The following PARP6 variants were observed in gnomAD, a reference collection of about 807,000 sequenced individuals.
PARP6 encodes poly(ADP-ribose) polymerase family member 6.
In PARP6, 27 loss-of-function variants were observed where a neutral mutation model predicts 92.0. That is an observed-to-expected ratio of 0.29 (90% CI 0.22 to 0.40). PARP6 has a LOEUF of 0.40. PARP6 is among the 10% of genes least tolerant of loss of function. PARP6 has a pLI of 1.00. For missense variants in PARP6, 501 were observed against 784.5 expected (o/e 0.64, Z 4.32); for synonymous variants, 272 against 281.2 (o/e 0.97, Z 0.33).
intron 7 of PARP6, 130 bp from the exon 8 acceptor site, chr15:72,264,751 A>C: frequency 1.4e-6 from 1 of 694,140 alleles, no homozygotes; most frequent in South Asian, 1.9e-5. Flanking sequence ...TAACGGTGGA[A>C]GAAAAAAAAC....
At chr15:72,254,611 G>C (rs1465444227) in intron 14 of PARP6, 91 bp from the exon 15 acceptor site, 3 of 922,518 alleles carry the variant, frequency 3.3e-6, no homozygotes, top group African/African-American at 1.6e-5. Context: ...TACCAAAAAA[G>C]TCTAGGCCCT....
In PARP6 at chr15:72,264,506, T is replaced by A. The variant is rs12591338; in HGVS notation, c.395+49A>T. 0.22 allele frequency: 301,641 copies of A among 1,391,506 alleles called. 33,970 individuals carry two copies. The highest frequency in any genetic ancestry group is 0.38 in the East Asian group (16,722 of 43,656). The allele number at this position is 1,391,506 out of a possible 1,614,324, so 86.2% of individuals were successfully genotyped here. On this transcript the variant is annotated intron_variant, in intron 8 of 23. Coordinates refer to ENST00000569795, the MANE Select transcript of PARP6 (RefSeq NM_001323532.2). ...CTGTCCATCCATATATTTCCACCTC[T>A]CTCTCCTTCCTTCACATGTCCATGA...
Position 72,254,448 on chromosome 15 carries a change from A to G in PARP6, c.1191+7T>C, listed in dbSNP as rs199742529. ...AAAGGAGAGGGGACAGAGAGAAGGC[A>G]GAATACCTGGGTCATCTCCCGAATA... is the stretch of plus-strand genomic sequence containing the variant. On this transcript the variant is annotated splice_region_variant and intron_variant, in intron 15 of 23. Transcript: ENST00000569795. 4.2e-4 allele frequency: 673 copies of G among 1,604,812 alleles called. 6 individuals carry two copies. In the Middle Eastern group the frequency reaches 6.4e-3, roughly 15 times the overall value.
chr15:72,260,623 C>G lies in PARP6; in HGVS notation c.611G>C (p.Arg204Pro). 2.5e-6 allele frequency: 4 copies of G among 1,614,124 alleles called. No individual in the cohort carries two copies. The highest frequency in any genetic ancestry group is 3.4e-6 in the Non-Finnish European group (4 of 1,180,016). The change falls in exon 10 of 24, where the codon CGG becomes CCG. Residue 204 changes from arginine to proline, a missense_variant. Physicochemically the swap from Arg to Pro is moderately radical, Grantham distance 103. This residue lies in a region of PARP6 where 291 missense variants were observed against 352.0 expected (regional missense o/e 0.83). Coordinates refer to ENST00000569795, the MANE Select transcript of PARP6 (RefSeq NM_001323532.2). Reference sequence around the variant, plus strand: ...GGAACGGTTCATGAGGCGCCCAACCCGAAGCTCTGGTACACCTAGTTTGCC... The same window carrying G: ...GGAACGGTTCATGAGGCGCCCAACCGGAAGCTCTGGTACACCTAGTTTGCC... Reference protein sequence around the residue: ...LKGKLGVPELRVGRLMNRSIS... With the variant: ...LKGKLGVPELPVGRLMNRSIS...
At chr15:72,247,937 ATTTT>A (rs1226355660) in intron 20 of PARP6, among the ~76,000 whole-genome samples, 2 of 151,076 alleles carry the variant, frequency 1.3e-5, no homozygotes, top group East Asian at 3.9e-4. Context: ...TGCCTGGCTA[ATTTT>A]TCTATTTTTA....
At chr15:72,247,103 C>A (rs1490195652) in intron 20 of PARP6, among the ~76,000 whole-genome samples, 1 of 152,048 alleles carries the variant, frequency 6.6e-6, no homozygotes, top group Non-Finnish European at 1.5e-5. Context: ...ATATGTGCTG[C>A]AAATGTCTTC....
At chr15:72,247,364 G>C (rs2140918899) in intron 20 of PARP6, among the ~76,000 whole-genome samples, 1 of 151,944 alleles carries the variant, frequency 6.6e-6, no homozygotes, top group Non-Finnish European at 1.5e-5. Context: ...GCAGAGATGG[G>C]GTATTGCCAT....
chr15:72,244,969 G>C (rs1374582178), intron 20 of PARP6: 1 of 153,896 alleles, frequency 6.5e-6, no homozygotes, highest in South Asian at 2.1e-4. Flanking sequence ...TAAATGGATG[G>C]TGGCAGCCAA....
Position 72,241,987 on chromosome 15 carries a change from T to G in PARP6, c.1706-2A>C. 6.2e-7 allele frequency: 1 copy of G among 1,609,836 alleles called. No individual in the cohort carries two copies. The highest frequency in any genetic ancestry group is 8.5e-7 in the Non-Finnish European group (1 of 1,176,106). The stretch of plus-strand genomic sequence containing the variant: ...TCTGGAGGTCCTTAGATGTAATCAC[T>G]GGGAGAAAGAGGGCCAGAAATCATA... On this transcript the variant is annotated splice_acceptor_variant, in intron 22 of 23. Coordinates refer to ENST00000569795, the MANE Select transcript of PARP6 (RefSeq NM_001323532.2). LOFTEE classifies it high-confidence loss of function. This position sits in a 1 kb window ranked among gnomAD's most constrained non-coding sequence, Gnocchi z 4.1.
chr15:72,242,127 A>AGAAAAACAG lies in PARP6; in HGVS notation c.1705+21_1705+29dup, dbSNP rs1401444048. On this transcript the variant is annotated intron_variant, in intron 22 of 23. Coordinates refer to ENST00000569795, the MANE Select transcript of PARP6 (RefSeq NM_001323532.2). The surrounding 1 kb of genome is among the most constrained non-coding windows in gnomAD (Gnocchi z 4.3). ...CATCAGAAACAAAGGTTAGAGACCC[A>AGAAAAACAG]GAAAAACAGGACATGGGCAAGCTAC... 3 of 1,600,562 alleles carry AGAAAAACAG rather than the reference A, an allele frequency of 1.9e-6. No individual in the cohort carries two copies. The highest frequency in any genetic ancestry group is 2.6e-6 in the Non-Finnish European group (3 of 1,167,636).
At chr15:72,251,322 A>C in intron 16 of PARP6, 67 bp from the exon 17 acceptor site, 1 of 930,850 alleles carries the variant, frequency 1.1e-6, no homozygotes, top group Non-Finnish European at 1.7e-6. Context: ...CTTTCTGAAC[A>C]AGCCAGTCTT....
Position 72,265,091 on chromosome 15 carries a change from T to A in PARP6, c.318A>T (p.Leu106=). The change falls in exon 7 of 24, where the codon CTA becomes CTT. Residue 106 remains leucine, a synonymous_variant. Coordinates refer to ENST00000569795, the MANE Select transcript of PARP6 (RefSeq NM_001323532.2). ...LRLRFSLSQY[L]DGPEPSIEVF... ...AGTCACTGCCTTTACCTGGTCCATC[T>A]AGGTACTGGGAGAGAGAAAATCGCA... 1 of 1,611,656 alleles carries A rather than the reference T, an allele frequency of 6.2e-7. No individual in the cohort carries two copies.
At position 72,266,751 on chromosome 15, in the gene PARP6, G is replaced by A. The variant is rs984543800; in HGVS notation, c.75C>T (p.Gly25=). 10 of 1,612,546 alleles carry A rather than the reference G, an allele frequency of 6.2e-6. No individual in the cohort carries two copies. The highest frequency in any genetic ancestry group is 2.2e-5 in the South Asian group (2 of 91,042). Residue 25 remains glycine, a synonymous_variant, in exon 4 of 24, where the codon GGC becomes GGT. Transcript: ENST00000569795. ...GDNESEEFLY[G]VQGSCAADLY... is the part of the protein sequence containing the mutation. ...TTGGGAGATGTAACCTCACCTGAAC[G>A]CCATAGAGAAATTCCTCTGATTCAT...
At position 72,260,540 on chromosome 15, in the gene PARP6, G is replaced by C; in HGVS notation, c.694C>G (p.Gln232Glu). The C allele has an allele frequency of 9.9e-6, 16 of 1,614,198 alleles. No homozygotes were observed. Among genetic ancestry groups the C allele is most frequent in the Non-Finnish European group, 1.4e-5 (16 of 1,180,016 alleles). ...TGCTGAGGGCACAGGAGACCTGCCT[G>C]GGGGCTGGGAGGGTAGCCAAACACT... ...VEVFGYPPSPQAGLLCPQHVG... is the reference protein window; with the variant it reads ...VEVFGYPPSPEAGLLCPQHVG... The change falls in exon 10 of 24, where the codon CAG becomes GAG. Residue 232 changes from glutamine (Q) to glutamate (E), a missense_variant. Transcript: ENST00000569795.
intron 16 of PARP6, among the ~76,000 whole-genome samples, chr15:72,251,729 GGAGAAACGGA>G (rs1371653493): frequency 2.0e-5 from 3 of 152,174 alleles, no homozygotes; most frequent in African/African-American, 7.2e-5. Context: ...TCAGGAATGG[GGAGAAACGGA>G]GAGAAAGTTA....
At chr15:72,258,850 T>C (rs1050314519) in intron 11 of PARP6, among the ~76,000 whole-genome samples, 3 of 152,240 alleles carry the variant, frequency 2.0e-5, no homozygotes, top group African/African-American at 7.2e-5. Context: ...AGAGACTTTA[T>C]TCATTTAATG....
intron 14 of PARP6, among the ~76,000 whole-genome samples, chr15:72,255,778 TTC>T (rs1283325943): frequency 1.3e-5 from 1 of 74,104 alleles, no homozygotes; most frequent in African/African-American, 3.9e-5. Flanking sequence ...CATATATTAC[TTC>T]TCTCTTTTTT....
chr15:72,253,586 G>C (rs934917124), intron 15 of PARP6, 82 bp from the exon 16 acceptor site: 3 of 1,190,748 alleles, frequency 2.5e-6, no homozygotes, highest in East Asian at 2.5e-5. Flanking sequence ...GTGACTATTA[G>C]GGTCCAGGGC....
intron 20 of PARP6, among the ~76,000 whole-genome samples, chr15:72,246,383 C>T (rs1463550720): frequency 6.6e-6 from 1 of 152,126 alleles, no homozygotes; most frequent in Non-Finnish European, 1.5e-5. Flanking sequence ...CTCCCAACCT[C>T]GTGATCCACC....
Sources: allele counts gnomAD v4.1 joint callset (sites outside exome capture counted in the v4.1 genomes callset), GRCh38; gene constraint gnomAD v4.1.1; regional missense constraint gnomAD v4.1.1; non-coding constraint Gnocchi (gnomAD v3.1); transcripts MANE v1.5; gene names NCBI Gene and HGNC (gene_info 2026-07-23, HGNC 2026-07-21).